Variants in SLC26A7 observed in about 807,000 individuals in gnomAD.
The protein encoded by SLC26A7 is anion exchange transporter.
A neutral mutation model predicts 82.5 loss-of-function variants in SLC26A7; 59 were observed. The observed-to-expected ratio is 0.72, with a 90% CI of 0.58 to 0.89. The LOEUF (loss-of-function observed/expected upper bound fraction) is 0.89, where lower values mean the gene tolerates loss of function less well. SLC26A7 is among the 40% of genes least tolerant of loss of function. The pLI is 0.00. For missense variants in SLC26A7, 820 were observed against 793.0 expected, an observed-to-expected ratio of 1.03 and a Z score of -0.41; for synonymous variants, 271 against 274.3, an observed-to-expected ratio of 0.99 and a Z score of 0.12.
intron 9 of SLC26A7, among the ~76,000 whole-genome samples, chr8:91,345,289 G>A (rs921551437): frequency 3.3e-5 from 5 of 152,112 alleles, no homozygotes; most frequent in Non-Finnish European, 7.4e-5. Flanking sequence ...CAGAGTGAAT[G>A]TATTAGGTTT....
chr8:91,282,871 C>T lies in SLC26A7; in HGVS notation c.194-6265C>T, dbSNP rs554391116. On this transcript the variant is annotated intron_variant, in intron 2 of 18. Transcript: ENST00000276609. ...TGCTGTGCCTTTGAACACATTTCTT[C>T]TACCTAAATTTGTCCCCTCCTCAGG... is the stretch of plus-strand genomic sequence containing the variant. Among the ~76,000 whole-genome samples, 101 of 152,284 alleles carry T rather than the reference C, an allele frequency of 6.6e-4. 1 individual carries two copies. The highest frequency in any genetic ancestry group is 2.2e-3 in the African/African-American group (93 of 41,550).
intron 5 of SLC26A7, among the ~76,000 whole-genome samples, chr8:91,322,649 C>T (rs1465248812): frequency 2.0e-5 from 3 of 152,210 alleles, no homozygotes; most frequent in East Asian, 1.9e-4. Flanking sequence ...GAGATGGTGC[C>T]AGTGTCTCAG....
At chr8:91,312,204 G>A (rs1220768349) in intron 4 of SLC26A7, among the ~76,000 whole-genome samples, 3 of 152,112 alleles carry the variant, frequency 2.0e-5, no homozygotes, top group Non-Finnish European at 4.4e-5. Flanking sequence ...GAATCATACA[G>A]TATTTGCCAT....
At chr8:91,356,499 A>G (rs1455463466) in intron 11 of SLC26A7, among the ~76,000 whole-genome samples, 2 of 151,984 alleles carry the variant, frequency 1.3e-5, no homozygotes, top group Non-Finnish European at 2.9e-5. Flanking sequence ...GCATTTTTTC[A>G]TGTGTTTTTT....
chr8:91,369,822 G>A lies in SLC26A7; in HGVS notation c.1664G>A (p.Gly555Asp). 11 of 1,602,834 alleles carry A rather than the reference G, an allele frequency of 6.9e-6. No individual in the cohort carries two copies. The highest frequency in any genetic ancestry group is 9.4e-6 in the Non-Finnish European group (11 of 1,174,588). The change falls in exon 15 of 19, where the codon GGC (glycine) becomes GAC (aspartate). Residue 555 changes from glycine (G) to aspartate (D), a missense_variant. Coordinates refer to ENST00000276609, the MANE Select transcript of SLC26A7 (RefSeq NM_052832.4). ...ACATTGCTTAATTCCCTATCCAATG[G>A]CAACTGCAATGGTGAGTTAGCTTTA... ...QNTLLNSLSN[G>D]NCNEEASQSC...
chr8:91,372,941 G>C (rs532473688), intron 15 of SLC26A7, among the ~76,000 whole-genome samples: 2 of 151,662 alleles, frequency 1.3e-5, no homozygotes, highest in Non-Finnish European at 3.0e-5. Context: ...GGCCTTTCAC[G>C]TCCTTGTGTA....
intron 15 of SLC26A7, among the ~76,000 whole-genome samples, chr8:91,380,249 C>A (rs567994173): frequency 7.5e-4 from 114 of 152,084 alleles, no homozygotes; most frequent in African/African-American, 2.4e-3. Context: ...TTATGACCGG[C>A]AGTGTTTTAT....
At chr8:91,332,832 A>G (rs950239351) in intron 5 of SLC26A7, among the ~76,000 whole-genome samples, 4 of 151,838 alleles carry the variant, frequency 2.6e-5, no homozygotes, top group Non-Finnish European at 5.9e-5. Flanking sequence ...GCTTTTTCTT[A>G]TATATTTTAT....
chr8:91,220,815 G>C (rs185359035), intron 2 of SLC26A7, among the ~76,000 whole-genome samples: 17 of 152,234 alleles, frequency 1.1e-4, no homozygotes, highest in African/African-American at 4.1e-4. Context: ...ATAAACATAC[G>C]TGTGCATGTG....
Position 91,352,853 on chromosome 8 carries a change from G to T in SLC26A7, c.1219-48G>T, listed in dbSNP as rs774107435. On this transcript the variant is annotated intron_variant, in intron 10 of 18. Transcript: ENST00000276609. ...AATACCTTAGCCCTTTTAAATTTAAGTTAAAATTTTTATGTTGCTTCTTCT... is the reference window on the plus strand; with the variant it reads ...AATACCTTAGCCCTTTTAAATTTAATTTAAAATTTTTATGTTGCTTCTTCT... The T allele has an allele frequency of 2.0e-6, 3 of 1,466,214 alleles. No homozygotes were observed. The African/African-American group carries it at 4.3e-5, about 21-fold the overall frequency. 90.8% of individuals were successfully genotyped at this position (1,466,214 alleles called of 1,614,324 possible).
At chr8:91,394,146 T>A in intron 18 of SLC26A7, 107 bp downstream of exon 18, 1 of 1,595,860 alleles carries the variant, frequency 6.3e-7, no homozygotes, top group South Asian at 1.1e-5. Flanking sequence ...ATCTAAAATC[T>A]GTTAGCCCCC....
chr8:91,217,720 A>C (rs972737580), intron 1 of SLC26A7, among the ~76,000 whole-genome samples: 24 of 152,194 alleles, frequency 1.6e-4, no homozygotes, highest in Non-Finnish European at 1.5e-4. Flanking sequence ...TTGTGCCAGC[A>C]CAATGGGAAA....
rs753332645 is a variant in SLC26A7 at position 91,295,568 on chromosome 8, C to T, written c.342C>T (p.Ala114=). Residue 114 remains alanine, a synonymous_variant, in exon 4 of 19, where the codon GCC becomes GCT. Coordinates refer to ENST00000276609, the MANE Select transcript of SLC26A7 (RefSeq NM_052832.4). ...FALTSLISAN[A]VERIVPQNMQ... ...TGACATCCTTAATATCAGCCAACGCCGTGGAACGGATTGTCCCTCAGAACA... is the reference window on the plus strand; with the variant it reads ...TGACATCCTTAATATCAGCCAACGCTGTGGAACGGATTGTCCCTCAGAACA... 26 of 1,613,748 alleles carry T rather than the reference C, an allele frequency of 1.6e-5. No homozygotes were observed. Among genetic ancestry groups the T allele is most frequent in the Admixed American group, 3.3e-5 (2 of 59,984 alleles).
At chr8:91,354,885 T>G (rs1813819651) in intron 11 of SLC26A7, among the ~76,000 whole-genome samples, 1 of 152,272 alleles carries the variant, frequency 6.6e-6, no homozygotes, top group African/African-American at 2.4e-5. Flanking sequence ...TTAGATGCAT[T>G]TAGTGGTTAC....
intron 2 of SLC26A7, among the ~76,000 whole-genome samples, chr8:91,241,219 AAG>A (rs1219805387): frequency 6.6e-6 from 1 of 152,172 alleles, no homozygotes; most frequent in Non-Finnish European, 1.5e-5. Flanking sequence ...GATATTCTCT[AAG>A]AGTTTTTGAT....
intron 9 of SLC26A7, among the ~76,000 whole-genome samples, chr8:91,344,497 A>C (rs1813507755): frequency 6.6e-6 from 1 of 152,194 alleles, no homozygotes; most frequent in East Asian, 1.9e-4. Context: ...CTTATTAAAT[A>C]CTATTTTAGG....
Position 91,249,614 on chromosome 8 carries a change from T to C in SLC26A7, c.-38T>C. The C allele has an allele frequency of 6.8e-7, 1 of 1,460,278 alleles. No individual in the cohort carries two copies. Among genetic ancestry groups the C allele is most frequent in the East Asian group, 2.5e-5 (1 of 39,710 alleles). 90.5% of individuals were successfully genotyped at this position (1,460,278 alleles called of 1,614,324 possible). Reference sequence around the variant, plus strand: ...TGTTCTGCAATGATTTTTTTTCTTGTTTAGAGAAGTTTACTTCTACAAGAA... The same window carrying C: ...TGTTCTGCAATGATTTTTTTTCTTGCTTAGAGAAGTTTACTTCTACAAGAA... On this transcript the variant is annotated 5_prime_UTR_variant, in exon 2 of 19. Transcript: ENST00000276609.
intron 2 of SLC26A7, among the ~76,000 whole-genome samples, chr8:91,228,281 G>A (rs1323784178): frequency 1.3e-5 from 2 of 152,238 alleles, no homozygotes; most frequent in African/African-American, 4.8e-5. Flanking sequence ...GTAAACATAG[G>A]TGTTGGCGAG....
At chr8:91,315,780 T>C (rs989591978) in intron 4 of SLC26A7, among the ~76,000 whole-genome samples, 2 of 152,202 alleles carry the variant, frequency 1.3e-5, no homozygotes, top group African/African-American at 4.8e-5. Flanking sequence ...TCGAAACTGG[T>C]GACTGGTTTT....
Sources: allele counts gnomAD v4.1 joint callset (sites outside exome capture counted in the v4.1 genomes callset), GRCh38; gene constraint gnomAD v4.1.1; transcripts MANE v1.5; gene names NCBI Gene and HGNC (gene_info 2026-07-23, HGNC 2026-07-21).